NPAS3: variants seen among roughly 807,000 people sequenced by gnomAD.
The protein encoded by NPAS3 is neuronal PAS domain protein 3.
Under a neutral mutation model 73.1 loss-of-function variants are expected in NPAS3, and 14 were observed. The ratio of observed to expected loss-of-function variants is 0.19; its 90% CI spans 0.13 to 0.30. NPAS3 has a LOEUF of 0.30. Among genes scored for constraint, NPAS3 ranks in the 10% least tolerant of loss-of-function variants. NPAS3 has a pLI of 1.00. For synonymous variants in NPAS3, 620 were observed against 541.5 expected (o/e 1.14, Z -2.01); for missense variants, 1,096 against 1,250.0 (o/e 0.88, Z 1.86).
In NPAS3 at chr14:33,665,466, A is replaced by C. The variant is rs137875334; in HGVS notation, c.559-10745A>C. On this transcript the variant is annotated intron_variant, in intron 5 of 11. Transcript: ENST00000356141. ...TGATTAAAAAAACAAAACAAAACAA[A>C]ACAGGATGACTTTGAACAGACCTTT... 3.1e-3 allele frequency among the ~76,000 whole-genome samples: 478 copies of C among 152,178 alleles called. 4 individuals are homozygous for C. The highest frequency in any genetic ancestry group is 0.011 in the African/African-American group (440 of 41,518).
intron 1 of NPAS3, among the ~76,000 whole-genome samples, chr14:32,963,678 G>A (rs2037026953): frequency 6.6e-6 from 1 of 151,892 alleles, no homozygotes; most frequent in Admixed American, 6.6e-5. Context: ...AGACAGAATT[G>A]GACTCCCCAT....
At chr14:33,286,913 A>T (rs186737537) in intron 3 of NPAS3, among the ~76,000 whole-genome samples, 3 of 152,286 alleles carry the variant, frequency 2.0e-5, no homozygotes, top group Admixed American at 2.0e-4. Context: ...ATTTCCTTAA[A>T]AATCATTTCC....
intron 2 of NPAS3, among the ~76,000 whole-genome samples, chr14:33,077,306 G>A (rs2041693467): frequency 6.6e-6 from 1 of 152,172 alleles, no homozygotes; most frequent in South Asian, 2.1e-4. Context: ...GTGGGAGTGA[G>A]CTATGTGGAT....
chr14:32,990,494 C>A (rs915104303), intron 1 of NPAS3, among the ~76,000 whole-genome samples: 1 of 152,118 alleles, frequency 6.6e-6, no homozygotes, highest in African/African-American at 2.4e-5. Context: ...TACCATTATT[C>A]CTCCTTCCCT....
rs115925909 is a variant in NPAS3, at chr14:33,648,279, C to G, written c.559-27932C>G. Among the ~76,000 whole-genome samples, 433 of 152,282 alleles carry G rather than the reference C, an allele frequency of 2.8e-3. 2 individuals carry two copies. Among genetic ancestry groups the G allele is most frequent in the African/African-American group, 0.01 (417 of 41,564 alleles). On this transcript the variant is annotated intron_variant, in intron 5 of 11. Coordinates refer to ENST00000356141, the Ensembl canonical transcript of NPAS3. ...CTTTGTGTTGTGAATGTAAATCATT[C>G]CATTTCAAATTGCTACAAGCTGACT...
chr14:33,215,599 C>T (rs1270436953), intron 3 of NPAS3, 173 bp downstream of exon 3: 5 of 781,700 alleles, frequency 6.4e-6, no homozygotes, highest in South Asian at 1.5e-5. Flanking sequence ...TGAAATAAAC[C>T]TCTTATTTTT....
At chr14:33,054,341 A>C (rs1311995220) in intron 1 of NPAS3, among the ~76,000 whole-genome samples, 1 of 152,198 alleles carries the variant, frequency 6.6e-6, no homozygotes, top group Non-Finnish European at 1.5e-5. Context: ...AACAAGGGGT[A>C]AATGGTTAAT....
At chr14:33,115,156 A>G (rs757422533) in intron 2 of NPAS3, among the ~76,000 whole-genome samples, 3 of 152,168 alleles carry the variant, frequency 2.0e-5, no homozygotes, top group Non-Finnish European at 4.4e-5. Flanking sequence ...AAAGGTTAAT[A>G]TCGGAAAGGG....
At chr14:33,728,490 TG>T (rs1461308451) in intron 6 of NPAS3, among the ~76,000 whole-genome samples, 2 of 152,204 alleles carry the variant, frequency 1.3e-5, no homozygotes, top group South Asian at 4.1e-4. Context: ...CAGACACTTT[TG>T]TTGGACTCCA....
At chr14:33,609,278 T>C (rs930850646) in intron 5 of NPAS3, among the ~76,000 whole-genome samples, 1 of 152,204 alleles carries the variant, frequency 6.6e-6, no homozygotes, top group African/African-American at 2.4e-5. Context: ...CATGAATGTT[T>C]TTGCGGAGGG....
chr14:33,801,235 C>T, downstream of NPAS3: 1 of 1,451,484 alleles, frequency 6.9e-7, no homozygotes, highest in Non-Finnish European at 9.1e-7. Context: ...CCACGACGGT[C>T]CCCATTCCAC....
intron 4 of NPAS3, among the ~76,000 whole-genome samples, chr14:33,415,116 C>T (rs1317600478): frequency 6.6e-6 from 1 of 152,108 alleles, no homozygotes; most frequent in Non-Finnish European, 1.5e-5. Flanking sequence ...AGGTGAGCAA[C>T]CTCCATGCAG....
chr14:33,380,886 C>A (rs901642884), intron 4 of NPAS3, among the ~76,000 whole-genome samples: 2 of 152,090 alleles, frequency 1.3e-5, no homozygotes, highest in African/African-American at 4.8e-5. Flanking sequence ...CAAAAATGCC[C>A]TCTGAAGTAA....
At position 33,669,850 on chromosome 14, in the gene NPAS3, G is replaced by A. The variant is rs540646567; in HGVS notation, c.559-6361G>A. Among the ~76,000 whole-genome samples the A allele has an allele frequency of 5.3e-5, 8 of 152,188 alleles. No homozygotes were observed. In the South Asian group the frequency reaches 1.0e-3, roughly 20 times the overall value. On this transcript the variant is annotated intron_variant, in intron 5 of 11. Coordinates refer to ENST00000356141, the Ensembl canonical transcript of NPAS3. ...GAATTATCTTCTGGCACATCTTAAC[G>A]TTCAGAACTGGTTATGCAGTATCTC...
chr14:33,330,944 A>C (rs1258461778), intron 3 of NPAS3, among the ~76,000 whole-genome samples: 1 of 152,234 alleles, frequency 6.6e-6, no homozygotes, highest in East Asian at 1.9e-4. Flanking sequence ...TAATGAAGGC[A>C]TATATTTTAA....
intron 2 of NPAS3, among the ~76,000 whole-genome samples, chr14:33,065,599 T>C (rs1217615496): frequency 5.3e-5 from 8 of 152,064 alleles, no homozygotes; most frequent in Admixed American, 5.2e-4. Flanking sequence ...TTCTTTGGAA[T>C]TGGGTGCTTG....
chr14:33,494,956 T>C (rs1243358071), intron 4 of NPAS3, among the ~76,000 whole-genome samples: 1 of 152,116 alleles, frequency 6.6e-6, no homozygotes, highest in African/African-American at 2.4e-5. Context: ...GATTTTTCTT[T>C]AAGACATGCA....
At chr14:33,670,023 C>T (rs886795742) in intron 5 of NPAS3, among the ~76,000 whole-genome samples, 15 of 152,168 alleles carry the variant, frequency 9.9e-5, no homozygotes, top group African/African-American at 3.6e-4. Flanking sequence ...TCCAGCGATT[C>T]TCCTGCCTCA....
At chr14:33,645,455 A>C (rs1219508544) in intron 5 of NPAS3, among the ~76,000 whole-genome samples, 1 of 152,250 alleles carries the variant, frequency 6.6e-6, no homozygotes, top group African/African-American at 2.4e-5. Context: ...AGCATTTTAG[A>C]GCATAATAAG....
Sources: allele counts gnomAD v4.1 joint callset (sites outside exome capture counted in the v4.1 genomes callset), GRCh38; gene constraint gnomAD v4.1.1; transcripts MANE v1.5; gene names NCBI Gene and HGNC (gene_info 2026-07-23, HGNC 2026-07-21).